TMEM201: variants seen among roughly 807,000 people sequenced by gnomAD.
The protein encoded by TMEM201 is transmembrane protein 201.
In TMEM201, 26 loss-of-function variants were observed where a neutral mutation model predicts 63.4. The observed-to-expected ratio is 0.41, with a 90% CI of 0.30 to 0.57. The LOEUF (loss-of-function observed/expected upper bound fraction) is 0.57, where lower values mean the gene tolerates loss of function less well. Ranked by LOEUF, TMEM201 falls within the 20% of genes least tolerant of loss-of-function variation. The probability of loss-of-function intolerance (pLI) is 0.29; values close to 1 mark genes in which losing one functional copy is unlikely to be tolerated. For missense variants in TMEM201, 794 were observed against 917.7 expected (o/e 0.87, Z 1.74); for synonymous variants, 417 against 421.6 (o/e 0.99, Z 0.14).
At chr1:9,609,703 T>A (rs1644294592) in intron 7 of TMEM201, 137 bp from the exon 8 acceptor site, 2 of 802,860 alleles carry the variant, frequency 2.5e-6, no homozygotes, top group Non-Finnish European at 2.0e-6. Context: ...GTCCGAGGAA[T>A]CCGTGAGCAC....
At chr1:9,596,264 A>G (rs1456031904) in intron 2 of TMEM201, among the ~76,000 whole-genome samples, 3 of 152,220 alleles carry the variant, frequency 2.0e-5, no homozygotes, top group Non-Finnish European at 4.4e-5. Flanking sequence ...GTCCAAGGTT[A>G]CACCACTAAA....
intron 5 of TMEM201, 125 bp from the exon 6 acceptor site, chr1:9,601,944 C>A (rs1644150824): frequency 8.4e-7 from 1 of 1,185,046 alleles, no homozygotes; most frequent in Non-Finnish European, 1.1e-6. Flanking sequence ...ATTCCGAGCC[C>A]ACACTGTCCC....
chr1:9,599,812 G>A (rs1034179221), intron 4 of TMEM201, among the ~76,000 whole-genome samples: 14 of 150,432 alleles, frequency 9.3e-5, no homozygotes, highest in Admixed American at 3.3e-4. Flanking sequence ...GGTTTTCACC[G>A]TGGTCTCAAT....
Position 9,596,805 on chromosome 1 carries a change from G to A in TMEM201, c.235-54G>A, listed in dbSNP as rs189339478. 8.4e-6 allele frequency: 13 copies of A among 1,539,324 alleles called. 1 individual carries two copies. The East Asian group carries it at 3.0e-4, about 36-fold the overall frequency. The stretch of plus-strand genomic sequence containing the variant: ...GGCGGGCCCCCAGGGACATCACCAA[G>A]CCTGAGCCAGCTGGGAGGGCCTGCC... On this transcript the variant is annotated intron_variant, in intron 2 of 10. Transcript: ENST00000340381.
chr1:9,611,867 C>T lies in TMEM201; in HGVS notation c.1880C>T (p.Ser627Leu), dbSNP rs751084442. The change falls in exon 10 of 11, where the codon TCG becomes TTG. Residue 627 changes from serine to leucine, a missense_variant. By Grantham distance (145) the Ser-to-Leu change is moderately radical (BLOSUM62 -2). Transcript: ENST00000340381. ...CVVDTTTRGC[S>L]EEAATWRGRF... ...GTGGACACCACCACCAGGGGCTGCT[C>T]GGAGGAGGCCGCCACCTGGAGAGGT... 9.6e-5 allele frequency: 148 copies of T among 1,545,988 alleles called. No homozygotes were observed. The highest frequency in any genetic ancestry group is 1.2e-4 in the Non-Finnish European group (140 of 1,144,436).
At chr1:9,597,205 C>G (rs897212292) in intron 3 of TMEM201, 152 bp downstream of exon 3, 1 of 888,876 alleles carries the variant, frequency 1.1e-6, no homozygotes, top group Middle Eastern at 3.5e-4. Context: ...CAAAGGGGCC[C>G]CCTCATCCTT....
rs752184027 is a variant in TMEM201, at chr1:9,601,459, G to T, written c.956+5G>T. 6.3e-6 allele frequency: 10 copies of T among 1,577,650 alleles called. No homozygotes were observed. The highest frequency in any genetic ancestry group is 8.6e-6 in the Non-Finnish European group (10 of 1,166,252). ...GCTGCTGGCTGGCCGCATCAGGTGT[G>T]CATGGGGCCAGGGCCAGGAGTTGGC... On this transcript the variant is annotated splice_donor_5th_base_variant and intron_variant, in intron 5 of 10. Coordinates refer to ENST00000340381, the MANE Select transcript of TMEM201 (RefSeq NM_001130924.3).
chr1:9,594,088 T>C (rs762238395), intron 1 of TMEM201, among the ~76,000 whole-genome samples: 9 of 152,220 alleles, frequency 5.9e-5, no homozygotes, highest in Non-Finnish European at 1.3e-4. Flanking sequence ...TGCATTCTCC[T>C]GTAGGATCCT....
At chr1:9,590,024 AGG>A (rs1467698362) in intron 1 of TMEM201, among the ~76,000 whole-genome samples, 1 of 152,140 alleles carries the variant, frequency 6.6e-6, no homozygotes, top group Admixed American at 6.5e-5. Context: ...TCTCTCCTCC[AGG>A]GGGGAAACGG....
Position 9,610,995 on chromosome 1 carries a change from T to C in TMEM201, c.1765+190T>C, listed in dbSNP as rs1274513561. 1 of 1,533,220 alleles carries C rather than the reference T, an allele frequency of 6.5e-7. No homozygotes were observed. The highest frequency in any genetic ancestry group is 8.7e-7 in the Non-Finnish European group (1 of 1,145,726). 95.0% of individuals were successfully genotyped at this position (1,533,220 alleles called of 1,614,324 possible). On this transcript the variant is annotated intron_variant, in intron 9 of 10. Transcript: ENST00000340381. This position sits in a 1 kb window ranked among gnomAD's most constrained non-coding sequence, Gnocchi z 4.9. ...GGGACATTGACCTCTAATGGCTGAT[T>C]TCAGTTTCTCCTTTTGCAGTTGACC...
Position 9,608,619 on chromosome 1 carries a change from C to T in TMEM201, c.1393+830C>T, listed in dbSNP as rs536916203. Reference sequence around the variant, plus strand: ...GGGAGGTGCCAGGAGCAGCCCTGCCCTGGGCCTGAGCACTCCGAGTAAACT... The same window carrying T: ...GGGAGGTGCCAGGAGCAGCCCTGCCTTGGGCCTGAGCACTCCGAGTAAACT... On this transcript the variant is annotated intron_variant, in intron 7 of 10. Transcript: ENST00000340381. This position sits in a 1 kb window ranked among gnomAD's most constrained non-coding sequence, Gnocchi z 4.3. Among the ~76,000 whole-genome samples the T allele has an allele frequency of 6.6e-6, 1 of 152,236 alleles. No individual in the cohort carries two copies. Among genetic ancestry groups the T allele is most frequent in the Non-Finnish European group, 1.5e-5 (1 of 68,038 alleles).
Position 9,608,495 on chromosome 1 carries a change from A to G in TMEM201, c.1393+706A>G, listed in dbSNP as rs1011180586. Among the ~76,000 whole-genome samples, 2 of 152,132 alleles carry G rather than the reference A, an allele frequency of 1.3e-5. No individual in the cohort carries two copies. The highest frequency in any genetic ancestry group is 4.8e-5 in the African/African-American group (2 of 41,424). On this transcript the variant is annotated intron_variant, in intron 7 of 10. Coordinates refer to ENST00000340381, the MANE Select transcript of TMEM201 (RefSeq NM_001130924.3). The surrounding 1 kb of genome is among the most constrained non-coding windows in gnomAD (Gnocchi z 4.3). ...GGGCAGGCCATTTTGTACACACGCC[A>G]AGGTTTATATTAGGATGCTTTTGCT...
Position 9,614,625 on chromosome 1 carries a change from A to T in TMEM201, c.*1542A>T, listed in dbSNP as rs1183726650. On this transcript the variant is annotated 3_prime_UTR_variant, in exon 11 of 11. Coordinates refer to ENST00000340381, the MANE Select transcript of TMEM201 (RefSeq NM_001130924.3). ...ATAGCAGGCGTGTGTGTGTGTGTCG[A>T]GGTTTTTTATTTTTTGCTTAATCAA... is the stretch of plus-strand genomic sequence containing the variant. 1 of 151,782 alleles carries T rather than the reference A, an allele frequency of 6.6e-6. No homozygotes were observed. The highest frequency in any genetic ancestry group is 2.4e-5 in the African/African-American group (1 of 41,320). The allele number at this position is 151,782 out of a possible 1,614,324, so 9.4% of individuals were successfully genotyped here.
intron 6 of TMEM201, chr1:9,606,670 C>T (rs572594876): frequency 3.3e-5 from 5 of 152,408 alleles, no homozygotes; most frequent in East Asian, 1.9e-4. Flanking sequence ...TCCGTCCAGA[C>T]GGTGGACTAA....
chr1:9,601,579 G>A, intron 5 of TMEM201, 125 bp downstream of exon 5: 1 of 969,592 alleles, frequency 1.0e-6, no homozygotes, highest in Non-Finnish European at 1.5e-6. Flanking sequence ...CATGTCACTG[G>A]TACAAGGCTT....
intron 1 of TMEM201, 52 bp downstream of exon 1, chr1:9,589,095 G>A: frequency 1.2e-6 from 1 of 829,624 alleles, no homozygotes; most frequent in Non-Finnish European, 1.5e-6. Context: ...CGCCAGGCCC[G>A]CCCCCGCGCC....
intron 1 of TMEM201, among the ~76,000 whole-genome samples, chr1:9,592,516 C>G (rs1238780544): frequency 1.3e-5 from 2 of 152,188 alleles, no homozygotes; most frequent in South Asian, 2.1e-4. Context: ...CCCCCTCTAG[C>G]AGGTTCCCCC....
rs1644175409 is a variant in TMEM201 at position 9,602,975 on chromosome 1, G to A, written c.1160+703G>A. ...GAGTGCAGTTCTTGGGCCCAGCCTG[G>A]CCTTCGCCATGAGTTTGGGGAGCGA... On this transcript the variant is annotated intron_variant, in intron 6 of 10. Transcript: ENST00000340381. 5 of 985,468 alleles carry A rather than the reference G, an allele frequency of 5.1e-6. No homozygotes were observed. In the South Asian group the frequency reaches 1.9e-4, roughly 37 times the overall value. 61.0% of individuals were successfully genotyped at this position (985,468 alleles called of 1,614,324 possible).
At chr1:9,602,468 T>A in intron 6 of TMEM201, 196 bp downstream of exon 6, 1 of 1,435,046 alleles carries the variant, frequency 7.0e-7, no homozygotes, top group Non-Finnish European at 9.1e-7. Flanking sequence ...CCTTTTCCTT[T>A]CGGGCACCAC....
Sources: gnomAD v4.1 joint callset for allele counts (sites outside exome capture counted in the v4.1 genomes callset) on GRCh38, gnomAD v4.1.1 for gene constraint, Gnocchi (gnomAD v3.1) non-coding constraint, MANE v1.5 for transcripts, NCBI Gene and HGNC (gene_info 2026-07-23, HGNC 2026-07-21) for gene names.